DAW1: variants seen among roughly 807,000 people sequenced by gnomAD.
DAW1 encodes the protein dynein assembly factor with WD repeat domains 1.
A neutral mutation model predicts 56.5 loss-of-function variants in DAW1; 47 were observed. The observed-to-expected ratio is 0.83, with a 90% CI of 0.66 to 1.06. The LOEUF (loss-of-function observed/expected upper bound fraction) is 1.06, where lower values mean the gene tolerates loss of function less well. DAW1 is among the 50% of genes least tolerant of loss of function. DAW1 has a pLI of 0.00. For missense variants in DAW1, 505 were observed against 499.3 expected (o/e 1.01, Z -0.11); for synonymous variants, 190 against 179.0 (o/e 1.06, Z -0.49).
intron 3 of DAW1, 109 bp downstream of exon 3, chr2:227,890,109 A>G: frequency 8.4e-7 from 1 of 1,186,022 alleles, no homozygotes; most frequent in Non-Finnish European, 1.1e-6. Context: ...CATGTCAGTG[A>G]TTGATTGTAG....
intron 10 of DAW1, among the ~76,000 whole-genome samples, chr2:227,913,036 C>T (rs868254542): frequency 1.3e-5 from 2 of 152,086 alleles, no homozygotes; most frequent in South Asian, 2.1e-4. Flanking sequence ...ATGTATATTG[C>T]TAAACTATTT....
chr2:227,898,315 G>GTA (rs748082099), intron 6 of DAW1, 34 bp downstream of exon 6: 521 of 1,056,530 alleles, frequency 4.9e-4, no homozygotes, highest in East Asian at 9.9e-4. Context: ...ATTATTTTAT[G>GTA]TATATATATA....
chr2:227,912,158 TATA>T, intron 10 of DAW1: 1 of 365,796 alleles, frequency 2.7e-6, no homozygotes, highest in South Asian at 2.1e-5. Flanking sequence ...TGGAACCAAG[TATA>T]ATGTTACATT....
At chr2:227,893,700 TAATA>T (rs1691332588) in intron 4 of DAW1, 91 bp from the exon 5 acceptor site, 1 of 1,480,288 alleles carries the variant, frequency 6.8e-7, no homozygotes, top group South Asian at 1.4e-5. Context: ...ACAAACAGCA[TAATA>T]AATAGAGTTA....
intron 6 of DAW1, among the ~76,000 whole-genome samples, chr2:227,901,783 G>C (rs377568142): frequency 6.6e-6 from 1 of 152,146 alleles, no homozygotes; most frequent in African/African-American, 2.4e-5. Flanking sequence ...TGGTTGTAAA[G>C]GAGGAAGAAG....
intron 1 of DAW1, among the ~76,000 whole-genome samples, chr2:227,885,049 C>A (rs1441524061): frequency 1.3e-5 from 2 of 152,090 alleles, no homozygotes; most frequent in Non-Finnish European, 2.9e-5. Flanking sequence ...GGGAATCTCA[C>A]CATGTAGTCG....
At chr2:227,909,332 TTTATA>T (rs1267523083) in intron 10 of DAW1, among the ~76,000 whole-genome samples, 1 of 148,228 alleles carries the variant, frequency 6.7e-6, no homozygotes. Flanking sequence ...TTATGTATTT[TTTATA>T]TTATATATTT....
chr2:227,893,975 C>A, intron 5 of DAW1, 58 bp downstream of exon 5: 1 of 1,469,308 alleles, frequency 6.8e-7, no homozygotes, highest in Non-Finnish European at 9.0e-7. Context: ...CCTCCATCTG[C>A]TTGGGGAGAA....
chr2:227,894,904 G>T (rs1691371084), intron 5 of DAW1, among the ~76,000 whole-genome samples: 1 of 152,192 alleles, frequency 6.6e-6, no homozygotes, highest in Non-Finnish European at 1.5e-5. Context: ...TATGTTGGTT[G>T]TACTTTCAAT....
At chr2:227,920,406 C>T (rs746912221) in intron 11 of DAW1, among the ~76,000 whole-genome samples, 12 of 152,034 alleles carry the variant, frequency 7.9e-5, no homozygotes, top group East Asian at 1.9e-4. Flanking sequence ...GGAGATGGCC[C>T]GAATCTCTGT....
At chr2:227,876,268 C>A (rs1690880374) in intron 1 of DAW1, among the ~76,000 whole-genome samples, 1 of 152,352 alleles carries the variant, frequency 6.6e-6, no homozygotes, top group African/African-American at 2.4e-5. Context: ...GATCCACCCG[C>A]CTTGGCCTCC....
At chr2:227,905,599 A>G (rs1691658815) in intron 8 of DAW1, among the ~76,000 whole-genome samples, 1 of 152,236 alleles carries the variant, frequency 6.6e-6, no homozygotes, top group African/African-American at 2.4e-5. Flanking sequence ...CTTGATGTGT[A>G]GTTTCTGAAC....
intron 10 of DAW1, among the ~76,000 whole-genome samples, chr2:227,915,507 G>T (rs1559314146): frequency 6.6e-6 from 1 of 152,028 alleles, no homozygotes; most frequent in African/African-American, 2.4e-5. Context: ...CACCAAGTGG[G>T]ATTAATACTA....
rs947562528 is a variant in DAW1, at chr2:227,924,132, C to A, written c.*164C>A. Reference sequence around the variant, plus strand: ...TCACAGATATGACCATTAAACATGACAAAGTTATGCCACTCCAATATTATT... The same window carrying A: ...TCACAGATATGACCATTAAACATGAAAAAGTTATGCCACTCCAATATTATT... On this transcript the variant is annotated 3_prime_UTR_variant, in exon 13 of 13. Transcript: ENST00000309931. 3.9e-6 allele frequency: 3 copies of A among 774,154 alleles called. No individual in the cohort carries two copies. The highest frequency in any genetic ancestry group is 6.3e-6 in the Non-Finnish European group (3 of 473,222). 48.0% of individuals were successfully genotyped at this position (774,154 alleles called of 1,614,324 possible). A position where few individuals can be genotyped will look rare whatever the true frequency, so the allele number is the denominator to read the frequency against.
intron 1 of DAW1, among the ~76,000 whole-genome samples, chr2:227,880,855 A>G (rs1690994495): frequency 6.6e-6 from 1 of 152,214 alleles, no homozygotes; most frequent in Non-Finnish European, 1.5e-5. Context: ...GGAGACATCT[A>G]TGTATCTGGA....
intron 5 of DAW1, among the ~76,000 whole-genome samples, chr2:227,895,050 T>C (rs960391446): frequency 1.3e-5 from 2 of 152,216 alleles, no homozygotes; most frequent in Non-Finnish European, 2.9e-5. Flanking sequence ...CACAACTAAA[T>C]GAAGTTGTGG....
At chr2:227,875,725 T>G (rs979789127) in intron 1 of DAW1, among the ~76,000 whole-genome samples, 2 of 152,224 alleles carry the variant, frequency 1.3e-5, no homozygotes, top group South Asian at 4.1e-4. Context: ...TTGTCTTTTC[T>G]CCTTGGGGCT....
At chr2:227,889,169 G>C (rs1412575469) in intron 2 of DAW1, among the ~76,000 whole-genome samples, 1 of 152,158 alleles carries the variant, frequency 6.6e-6, no homozygotes, top group East Asian at 1.9e-4. Flanking sequence ...GAAAGAAAAA[G>C]AGCTCATGTT....
Position 227,921,666 on chromosome 2 carries a change from T to C in DAW1, c.1213+105T>C, listed in dbSNP as rs1408576071. ...TCATCCCCATTCCCTACCTCTTTTC[T>C]GGAGTCACTAGCTCATCTTGGCCTG... On this transcript the variant is annotated intron_variant, in intron 12 of 12. Transcript: ENST00000309931. 4.0e-6 allele frequency: 5 copies of C among 1,255,070 alleles called. No individual in the cohort carries two copies. The East Asian group carries it at 1.2e-4, about 30-fold the overall frequency. The allele number at this position is 1,255,070 out of a possible 1,614,324, so 77.7% of individuals were successfully genotyped here.
Sources: gnomAD v4.1 joint callset for allele counts (sites outside exome capture counted in the v4.1 genomes callset) on GRCh38, gnomAD v4.1.1 for gene constraint, MANE v1.5 for transcripts, NCBI Gene and HGNC (gene_info 2026-07-23, HGNC 2026-07-21) for gene names.